The following OGDH variants were observed in gnomAD, a reference collection of about 807,000 sequenced individuals.
OGDH encodes oxoglutarate dehydrogenase, also known as 2-oxoglutarate dehydrogenase complex component E1.
In OGDH, 38 loss-of-function variants were observed where a neutral mutation model predicts 116.6. The ratio of observed to expected loss-of-function variants is 0.33; its 90% CI spans 0.25 to 0.43. OGDH has a LOEUF of 0.43. OGDH is among the 20% of genes least tolerant of loss of function. OGDH has a pLI of 1.00. For synonymous variants in OGDH, 488 were observed against 533.3 expected (o/e 0.92, Z 1.17); for missense variants, 825 against 1,357.2 (o/e 0.61, Z 6.16).
chr7:44,653,939 C>T (rs1261204135), intron 4 of OGDH, among the ~76,000 whole-genome samples: 2 of 152,192 alleles, frequency 1.3e-5, no homozygotes, highest in Non-Finnish European at 2.9e-5. Context: ...ACTGCAACCT[C>T]TGCCTCCCAG....
intron 4 of OGDH, among the ~76,000 whole-genome samples, chr7:44,654,726 A>C (rs997582079): frequency 6.6e-6 from 1 of 152,150 alleles, no homozygotes; most frequent in African/African-American, 2.4e-5. Flanking sequence ...CCAAGCAGAC[A>C]TCTGACATTT....
chr7:44,611,450 A>C (rs1384320903), intron 1 of OGDH, among the ~76,000 whole-genome samples: 3 of 146,230 alleles, frequency 2.1e-5, no homozygotes, highest in Non-Finnish European at 3.0e-5. Context: ...TTTTTTTTGT[A>C]TTTTTTAGTA....
At chr7:44,629,575 CTTTTCTTTTTTT>C in intron 2 of OGDH, among the ~76,000 whole-genome samples, 1 of 134,428 alleles carries the variant, frequency 7.4e-6, no homozygotes, top group East Asian at 2.3e-4. Flanking sequence ...TTTTCTTTTT[CTTTTCTTTTTTT>C]TTTTTTTTTT....
intron 4 of OGDH, among the ~76,000 whole-genome samples, chr7:44,657,793 G>T (rs1786759805): frequency 6.6e-6 from 1 of 152,070 alleles, no homozygotes; most frequent in South Asian, 2.1e-4. Flanking sequence ...CATCCATTTT[G>T]TGTAAATTTC....
intron 1 of OGDH, among the ~76,000 whole-genome samples, chr7:44,616,390 A>C (rs1203815820): frequency 6.6e-6 from 1 of 151,786 alleles, no homozygotes; most frequent in Admixed American, 6.6e-5. Flanking sequence ...ACTGAAGCGT[A>C]CTCAGGGATC....
chr7:44,621,098 G>A (rs990506452), intron 1 of OGDH, among the ~76,000 whole-genome samples: 5 of 152,144 alleles, frequency 3.3e-5, no homozygotes, highest in Non-Finnish European at 7.3e-5. Flanking sequence ...TTTAGAGATA[G>A]GGTCTCGCTC....
chr7:44,627,070 C>T (rs1455333292), intron 2 of OGDH, among the ~76,000 whole-genome samples: 2 of 152,200 alleles, frequency 1.3e-5, no homozygotes, highest in Non-Finnish European at 2.9e-5. Context: ...AATCTCAGCT[C>T]ACTGCAACCT....
chr7:44,703,994 T>A (rs954309832), intron 20 of OGDH, among the ~76,000 whole-genome samples: 1 of 152,226 alleles, frequency 6.6e-6, no homozygotes, highest in African/African-American at 2.4e-5. Flanking sequence ...TCAGCTATTA[T>A]GATTAGAGGA....
At chr7:44,669,770 G>A (rs1242762184) in intron 5 of OGDH, among the ~76,000 whole-genome samples, 1 of 152,096 alleles carries the variant, frequency 6.6e-6, no homozygotes, top group Non-Finnish European at 1.5e-5. Flanking sequence ...GTCTAAGGCT[G>A]TATGCGCTCC....
Position 44,707,541 on chromosome 7 carries a change from C to CT in OGDH, c.2797-40dup, listed in dbSNP as rs1179810296. The CT allele has an allele frequency of 1.2e-6, 2 of 1,609,864 alleles. No individual in the cohort carries two copies. Among genetic ancestry groups the CT allele is most frequent in the African/African-American group, 1.3e-5 (1 of 74,828 alleles). Reference sequence around the variant, plus strand: ...CCCTTTGCTGGATCTTGCCTGCCCTCTGAGTTTCCTCTTTTTGATCTGACC... The same window carrying CT: ...CCCTTTGCTGGATCTTGCCTGCCCTCTTGAGTTTCCTCTTTTTGATCTGACC... On this transcript the variant is annotated intron_variant, in intron 21 of 22. Coordinates refer to ENST00000222673, the MANE Select transcript of OGDH (RefSeq NM_002541.4). This position sits in a 1 kb window ranked among gnomAD's most constrained non-coding sequence, Gnocchi z 5.2.
At position 44,707,363 on chromosome 7, in the gene OGDH, A is replaced by T; in HGVS notation, c.2771A>T (p.Gln924Leu). 1 of 1,614,244 alleles carries T rather than the reference A, an allele frequency of 6.2e-7. No homozygotes were observed. Among genetic ancestry groups the T allele is most frequent in the South Asian group, 1.1e-5 (1 of 91,092 alleles). Residue 924 changes from glutamine (Q) to leucine (L), a missense_variant, in exon 21 of 23, where the codon CAG becomes CTG. This residue lies in a region of OGDH where 212 missense variants were observed against 284.3 expected (regional missense o/e 0.75). Transcript: ENST00000222673. This position sits in a 1 kb window ranked among gnomAD's most constrained non-coding sequence, Gnocchi z 5.2. ...RERKARDMVG[Q>L]VAITRIEQLS... ...CGCAAAGCACGCGACATGGTGGGGC[A>T]GGTGGCCATCACAAGGATTGAGCAG...
At chr7:44,611,497 G>A (rs1003860161) in intron 1 of OGDH, among the ~76,000 whole-genome samples, 3 of 151,530 alleles carry the variant, frequency 2.0e-5, no homozygotes, top group Admixed American at 6.6e-5. Context: ...GGATGGTCTC[G>A]ATCTCCTGAC....
intron 4 of OGDH, among the ~76,000 whole-genome samples, chr7:44,649,153 A>G (rs1413491555): frequency 6.6e-6 from 1 of 151,694 alleles, no homozygotes; most frequent in Non-Finnish European, 1.5e-5. Context: ...TGAAGAGCAC[A>G]GGGACTTGCA....
chr7:44,696,658 C>T (rs1788594687), intron 14 of OGDH, 101 bp downstream of exon 14: 9 of 1,510,226 alleles, frequency 6.0e-6, no homozygotes, highest in Admixed American at 1.9e-5. Context: ...ATGTGTCCTA[C>T]AGAGACTCCC....
At chr7:44,689,779 G>A (rs1415990489) in intron 10 of OGDH, among the ~76,000 whole-genome samples, 1 of 151,990 alleles carries the variant, frequency 6.6e-6, no homozygotes, top group Admixed American at 6.6e-5. Context: ...AGTTGTAAGA[G>A]TTCTTTATAT....
chr7:44,610,023 C>T (rs1784501729), intron 1 of OGDH, among the ~76,000 whole-genome samples: 1 of 151,986 alleles, frequency 6.6e-6, no homozygotes, highest in African/African-American at 2.4e-5. Context: ...GCTATGTTGC[C>T]CAGGCTGGTC....
chr7:44,619,600 A>G (rs1197167297), intron 1 of OGDH, among the ~76,000 whole-genome samples: 2 of 152,180 alleles, frequency 1.3e-5, no homozygotes, highest in Admixed American at 6.5e-5. Context: ...ATGCTGTTAT[A>G]TTCTATAGAT....
At chr7:44,621,516 G>A (rs1314342939) in intron 1 of OGDH, among the ~76,000 whole-genome samples, 1 of 152,190 alleles carries the variant, frequency 6.6e-6, no homozygotes, top group Non-Finnish European at 1.5e-5. Context: ...GTTCCTGGGT[G>A]GAGTTGGGGA....
At chr7:44,649,245 GT>G (rs373846462) in intron 4 of OGDH, among the ~76,000 whole-genome samples, 6,848 of 97,678 alleles carry the variant, frequency 0.07, 168 homozygotes, top group African/African-American at 0.15. Flanking sequence ...ATTTTCTGTT[GT>G]TTTTTTTTTT....
Sources: gnomAD v4.1 joint callset for allele counts (sites outside exome capture counted in the v4.1 genomes callset) on GRCh38, gnomAD v4.1.1 for gene constraint, gnomAD v4.1.1 regional missense constraint, Gnocchi (gnomAD v3.1) non-coding constraint, MANE v1.5 for transcripts, NCBI Gene and HGNC (gene_info 2026-07-23, HGNC 2026-07-21) for gene names.